Variants in NCKAP1 observed in about 807,000 individuals in gnomAD.
NCKAP1 encodes nck-associated protein 1.
Under a neutral mutation model 151.2 loss-of-function variants are expected in NCKAP1, and 21 were observed. That is an observed-to-expected ratio of 0.14 (90% CI 0.10 to 0.20). NCKAP1 has a LOEUF of 0.20. NCKAP1 is among the 10% of genes least tolerant of loss of function. The pLI is 1.00. For synonymous variants in NCKAP1, 484 were observed against 451.8 expected, an observed-to-expected ratio of 1.07 and a Z score of -0.90; for missense variants, 933 against 1,352.1, an observed-to-expected ratio of 0.69 and a Z score of 4.86.
intron 18 of NCKAP1, among the ~76,000 whole-genome samples, chr2:182,959,700 C>T (rs1457628097): frequency 6.6e-6 from 1 of 152,174 alleles, no homozygotes; most frequent in Non-Finnish European, 1.5e-5. Context: ...CCCTCTCTCA[C>T]CACTCCTATT....
Position 182,911,807 on chromosome 2 carries a change from G to A in NCKAP1, c.*13895C>T, listed in dbSNP as rs1047887442. 9 of 151,670 alleles carry A rather than the reference G, an allele frequency of 5.9e-5. No homozygotes were observed. In the South Asian group the frequency reaches 1.7e-3, roughly 28 times the overall value. 9.4% of individuals were successfully genotyped at this position (151,670 alleles called of 1,614,324 possible). On this transcript the variant is annotated 3_prime_UTR_variant, in exon 31 of 31. Transcript: ENST00000361354. ...TGCCCTTATATACTCTCTTATAATT[G>A]CCTCAACAAATTCAAGATGGTTATA... is the stretch of plus-strand genomic sequence containing the variant.
chr2:183,003,385 C>A, intron 2 of NCKAP1, 60 bp from the exon 3 acceptor site: 1 of 969,706 alleles, frequency 1.0e-6, no homozygotes, highest in South Asian at 1.5e-5. Flanking sequence ...AATTTTACTA[C>A]AAACTATCTT....
intron 28 of NCKAP1, among the ~76,000 whole-genome samples, 177 bp downstream of exon 28, chr2:182,928,606 C>A (rs1696696029): frequency 6.6e-6 from 1 of 152,054 alleles, no homozygotes; most frequent in Non-Finnish European, 1.5e-5. Context: ...CACATTCAGG[C>A]ACACATGAGC....
chr2:182,993,859 G>C (rs555706861), intron 8 of NCKAP1, among the ~76,000 whole-genome samples: 122 of 152,232 alleles, frequency 8.0e-4, no homozygotes, highest in Non-Finnish European at 1.4e-3. Flanking sequence ...GAACCTAAAA[G>C]TTTAAATAAA....
intron 2 of NCKAP1, among the ~76,000 whole-genome samples, chr2:183,012,944 A>C (rs527356975): frequency 6.6e-6 from 1 of 151,654 alleles, no homozygotes; most frequent in African/African-American, 2.4e-5. Context: ...TATCCATCTT[A>C]ACTTTAAATG....
intron 24 of NCKAP1, among the ~76,000 whole-genome samples, chr2:182,939,401 T>C (rs1369544354): frequency 6.6e-6 from 1 of 152,068 alleles, no homozygotes; most frequent in East Asian, 1.9e-4. Flanking sequence ...TGGTAGTGCA[T>C]GCCTGTAGTC....
rs1481753947 is a variant in NCKAP1 at position 182,914,828 on chromosome 2, AAGT to A, written c.*10871_*10873del. The A allele has an allele frequency of 6.6e-6, 1 of 152,224 alleles. No individual in the cohort carries two copies. Among genetic ancestry groups the A allele is most frequent in the Non-Finnish European group, 1.5e-5 (1 of 68,046 alleles). The allele number at this position is 152,224 out of a possible 1,614,324, so 9.4% of individuals were successfully genotyped here. A position where few individuals can be genotyped will look rare whatever the true frequency, so the allele number is the denominator to read the frequency against. On this transcript the variant is annotated 3_prime_UTR_variant, in exon 31 of 31. Transcript: ENST00000361354. ...ATGCGCTTTGTGTAATGTTGGGAGC[AAGT>A]AATGATTTTTCCTCTTTGTTCTTGT... is the stretch of plus-strand genomic sequence containing the variant.
intron 20 of NCKAP1, among the ~76,000 whole-genome samples, chr2:182,953,557 T>C (rs1419874443): frequency 6.6e-6 from 1 of 152,132 alleles, no homozygotes; most frequent in Non-Finnish European, 1.5e-5. Context: ...TCCCAGCATT[T>C]TGGGAGGACG....
chr2:182,933,874 C>A (rs532365086), intron 26 of NCKAP1, among the ~76,000 whole-genome samples: 13 of 152,106 alleles, frequency 8.5e-5, no homozygotes, highest in African/African-American at 3.1e-4. Context: ...ATATCACTTA[C>A]TAGATGTATA....
At position 182,928,774 on chromosome 2, in the gene NCKAP1, C is replaced by A; in HGVS notation, c.3070+9G>T. 1 of 1,529,266 alleles carries A rather than the reference C, an allele frequency of 6.5e-7. No individual in the cohort carries two copies. Among genetic ancestry groups the A allele is most frequent in the Non-Finnish European group, 8.9e-7 (1 of 1,125,526 alleles). 94.7% of individuals were successfully genotyped at this position (1,529,266 alleles called of 1,614,324 possible). A position where few individuals can be genotyped will look rare whatever the true frequency, so the allele number is the denominator to read the frequency against. On this transcript the variant is annotated intron_variant, in intron 28 of 30. Transcript: ENST00000361354. ...ATTCATCGCCAAAACAATTTTAAAC[C>A]ACTATTACCTTCTATAGCAGGGCTG...
intron 2 of NCKAP1, among the ~76,000 whole-genome samples, chr2:183,020,788 C>G (rs1279865524): frequency 6.6e-6 from 1 of 152,140 alleles, no homozygotes; most frequent in Non-Finnish European, 1.5e-5. Flanking sequence ...AGTCTTTAAG[C>G]TCCATCAACT....
At chr2:182,929,655 C>T (rs959190659) in intron 27 of NCKAP1, among the ~76,000 whole-genome samples, 2 of 150,670 alleles carry the variant, frequency 1.3e-5, no homozygotes, top group African/African-American at 2.4e-5. Context: ...AAGATTTGGT[C>T]GACTACAAAA....
intron 15 of NCKAP1, among the ~76,000 whole-genome samples, chr2:182,967,646 C>T (rs1489089847): frequency 1.3e-5 from 2 of 152,076 alleles, no homozygotes; most frequent in Non-Finnish European, 2.9e-5. Flanking sequence ...AAGTGTAAAA[C>T]AATTAATTGT....
At chr2:182,931,432 A>AT (rs1334088480) in intron 26 of NCKAP1, among the ~76,000 whole-genome samples, 1 of 152,124 alleles carries the variant, frequency 6.6e-6, no homozygotes, top group Non-Finnish European at 1.5e-5. Flanking sequence ...GTAAAATAGT[A>AT]TAGCTTAGAA....
At chr2:182,988,928 T>C in intron 9 of NCKAP1, 102 bp downstream of exon 9, 2 of 1,022,910 alleles carry the variant, frequency 2.0e-6, no homozygotes, top group Admixed American at 4.6e-5. Flanking sequence ...AGGCTGTATC[T>C]TCCTGCACAG....
chr2:182,982,138 T>C (rs1697953229), intron 12 of NCKAP1, among the ~76,000 whole-genome samples: 2 of 152,108 alleles, frequency 1.3e-5, no homozygotes, highest in East Asian at 1.9e-4. Context: ...TTTATTTAAA[T>C]GTTTTGTGTA....
At chr2:182,980,508 A>C (rs943124238) in intron 13 of NCKAP1, among the ~76,000 whole-genome samples, 4 of 152,138 alleles carry the variant, frequency 2.6e-5, no homozygotes, top group Non-Finnish European at 5.9e-5. Flanking sequence ...AAAGTGAAGC[A>C]AAATAAAATA....
At chr2:182,959,948 G>C (rs1697409661) in intron 18 of NCKAP1, among the ~76,000 whole-genome samples, 2 of 151,832 alleles carry the variant, frequency 1.3e-5, no homozygotes, top group African/African-American at 4.8e-5. Flanking sequence ...ATAACAGACA[G>C]AGAGCCAAAT....
Position 183,017,045 on chromosome 2 carries a change from G to C in NCKAP1, c.219+6761C>G, listed in dbSNP as rs756096350. Among the ~76,000 whole-genome samples the C allele has an allele frequency of 1.2e-3, 185 of 151,766 alleles. 1 individual carries two copies. Among genetic ancestry groups the C allele is most frequent in the Non-Finnish European group, 2.0e-3 (133 of 67,820 alleles). On this transcript the variant is annotated intron_variant, in intron 2 of 30. Transcript: ENST00000361354. ...ACAGCTCAAGGGGGGAAACACAAAA[G>C]AGAAAAAAAGGTAGGATAATCACAT...
Sources: gnomAD v4.1 joint callset for allele counts (sites outside exome capture counted in the v4.1 genomes callset) on GRCh38, gnomAD v4.1.1 for gene constraint, MANE v1.5 for transcripts, NCBI Gene and HGNC (gene_info 2026-07-23, HGNC 2026-07-21) for gene names.